The following ESR1 variants were observed in gnomAD, a reference collection of about 807,000 sequenced individuals.
The protein encoded by ESR1 is estrogen receptor 1.
Under a neutral mutation model 52.7 loss-of-function variants are expected in ESR1, and 12 were observed. That is an observed-to-expected ratio of 0.23 (90% CI 0.15 to 0.37). The LOEUF (loss-of-function observed/expected upper bound fraction) is 0.37, where lower values mean the gene tolerates loss of function less well. ESR1 is among the 10% of genes least tolerant of loss of function. ESR1 has a pLI of 1.00. For synonymous variants in ESR1, 305 were observed against 316.8 expected (o/e 0.96, Z 0.39); for missense variants, 584 against 779.7 (o/e 0.75, Z 2.99).
chr6:151,660,872 C>T (rs796278147), intron 1 of ESR1, among the ~76,000 whole-genome samples: 5 of 152,286 alleles, frequency 3.3e-5, no homozygotes, highest in South Asian at 4.1e-4. Flanking sequence ...TTCGCACTCA[C>T]GAGATACTCT....
intron 1 of ESR1, among the ~76,000 whole-genome samples, chr6:151,657,891 C>CA (rs11286608): frequency 2.0e-5 from 3 of 149,476 alleles, no homozygotes; most frequent in African/African-American, 4.9e-5. Context: ...GAGGTTCTGG[C>CA]AAAAAAAAAG....
chr6:152,119,484 TTCACTTTTCTAATATTTCCCA>T (rs2051251438), intron 6 of ESR1, among the ~76,000 whole-genome samples: 1 of 152,224 alleles, frequency 6.6e-6, no homozygotes, highest in Non-Finnish European at 1.5e-5. Context: ...GGATTCTTTG[TTCACTTTTCTAATATTTCCCA>T]TTTGCTTGTG....
At chr6:152,066,978 C>T (rs578190014) in intron 6 of ESR1, among the ~76,000 whole-genome samples, 3 of 152,226 alleles carry the variant, frequency 2.0e-5, no homozygotes, top group Non-Finnish European at 2.9e-5. Context: ...ACAGTAGATG[C>T]ACATGAGTGT....
intron 5 of ESR1, among the ~76,000 whole-genome samples, chr6:152,058,262 C>G (rs1322748479): frequency 2.6e-5 from 4 of 152,106 alleles, no homozygotes; most frequent in Non-Finnish European, 5.9e-5. Flanking sequence ...CTAGTATGTT[C>G]TCCCCACTCA....
In ESR1 at chr6:151,900,671, T is replaced by A. The variant is rs150531299; in HGVS notation, c.760+19900T>A. Among the ~76,000 whole-genome samples, 625 of 152,338 alleles carry A rather than the reference T, an allele frequency of 4.1e-3. 1 individual carries two copies. The highest frequency in any genetic ancestry group is 0.014 in the African/African-American group (584 of 41,574). ...AGTACTCTCCCCCTTTTCTTAGAGATGTGGCTTCCTGGGAACCGACCTGTA... is the reference window on the plus strand; with the variant it reads ...AGTACTCTCCCCCTTTTCTTAGAGAAGTGGCTTCCTGGGAACCGACCTGTA... On this transcript the variant is annotated intron_variant, in intron 3 of 7. Transcript: ENST00000206249.
intron 2 of ESR1, among the ~76,000 whole-genome samples, chr6:151,854,559 GA>G (rs1489834552): frequency 6.6e-6 from 1 of 152,130 alleles, no homozygotes; most frequent in Admixed American, 6.6e-5. Flanking sequence ...TTTTCCTGGG[GA>G]AAGAGTATGT....
chr6:151,758,848 A>G (rs2128092246), intron 2 of ESR1, among the ~76,000 whole-genome samples: 1 of 152,034 alleles, frequency 6.6e-6, no homozygotes, highest in South Asian at 2.1e-4. Context: ...ATTTGCTGGC[A>G]GAGTTAAGCA....
At chr6:151,826,080 G>A (rs1002372466) in intron 1 of ESR1, among the ~76,000 whole-genome samples, 5 of 152,118 alleles carry the variant, frequency 3.3e-5, no homozygotes, top group Admixed American at 6.6e-5. Flanking sequence ...TGCGGGGAGG[G>A]GGGTGGCGGG....
intron 3 of ESR1, among the ~76,000 whole-genome samples, chr6:151,924,321 A>G (rs1247211219): frequency 1.3e-5 from 2 of 152,166 alleles, no homozygotes; most frequent in African/African-American, 2.4e-5. Flanking sequence ...GATTACAGAC[A>G]TAAGCCACGG....
intron 5 of ESR1, among the ~76,000 whole-genome samples, chr6:152,033,594 A>T (rs1363399994): frequency 6.6e-6 from 1 of 152,234 alleles, no homozygotes; most frequent in African/African-American, 2.4e-5. Flanking sequence ...CCACAATGAG[A>T]TACCATCTCA....
intron 2 of ESR1, among the ~76,000 whole-genome samples, chr6:151,781,355 G>A (rs964213058): frequency 4.6e-5 from 7 of 152,218 alleles, no homozygotes; most frequent in African/African-American, 1.7e-4. Context: ...GGTAAAATGT[G>A]GCTGAATTTG....
At chr6:151,994,268 A>G (rs1450641024) in intron 4 of ESR1, among the ~76,000 whole-genome samples, 5 of 152,178 alleles carry the variant, frequency 3.3e-5, no homozygotes, top group African/African-American at 4.8e-5. Context: ...GGACTGCACT[A>G]TACAACTCTG....
chr6:151,851,785 C>T (rs888680333), intron 2 of ESR1, among the ~76,000 whole-genome samples: 1 of 152,164 alleles, frequency 6.6e-6, no homozygotes, highest in Non-Finnish European at 1.5e-5. Flanking sequence ...GCCTTGGCCT[C>T]CCAAAGTGCT....
chr6:152,099,580 AGGCAGATCCCCTAGTT>A lies in ESR1; in HGVS notation c.*619_*634del, dbSNP rs1414606385. 4.2e-6 allele frequency: 1 copy of A among 240,554 alleles called. No homozygotes were observed. The highest frequency in any genetic ancestry group is 5.3e-5 in the Admixed American group (1 of 18,754). The allele number at this position is 240,554 out of a possible 1,614,324, so 14.9% of individuals were successfully genotyped here. ...TAGGAATACAAGGGGCACACAGGGAAGGCAGATCCCCTAGTTGGCAAGACTATTTTAACTTGATACA... is the reference window on the plus strand; with the variant it reads ...TAGGAATACAAGGGGCACACAGGGAAGGCAAGACTATTTTAACTTGATACA... On this transcript the variant is annotated 3_prime_UTR_variant, in exon 8 of 8. Transcript: ENST00000206249.
chr6:151,833,977 G>A (rs1286086042), intron 1 of ESR1, among the ~76,000 whole-genome samples: 4 of 152,248 alleles, frequency 2.6e-5, no homozygotes, highest in African/African-American at 7.2e-5. Flanking sequence ...TTAGAGAAAT[G>A]CAAATCAAAA....
chr6:152,095,354 G>A (rs1370269120), intron 7 of ESR1, among the ~76,000 whole-genome samples: 3 of 152,184 alleles, frequency 2.0e-5, no homozygotes, highest in Non-Finnish European at 4.4e-5. Context: ...GAGTCATCGG[G>A]GGGAGGTTCT....
At chr6:151,816,437 G>C (rs1271984757) in intron 1 of ESR1, among the ~76,000 whole-genome samples, 2 of 152,166 alleles carry the variant, frequency 1.3e-5, no homozygotes, top group East Asian at 3.9e-4. Context: ...TGGATGATGT[G>C]AGGATTAAAC....
At chr6:151,958,821 T>A (rs1288885232) in intron 4 of ESR1, among the ~76,000 whole-genome samples, 2 of 152,194 alleles carry the variant, frequency 1.3e-5, no homozygotes, top group Non-Finnish European at 2.9e-5. Flanking sequence ...CACTCCCCTG[T>A]ACCTCAGAAC....
At chr6:151,919,890 G>T (rs2031241748) in intron 3 of ESR1, among the ~76,000 whole-genome samples, 1 of 152,066 alleles carries the variant, frequency 6.6e-6, no homozygotes, top group Admixed American at 6.6e-5. Flanking sequence ...ACACACACAG[G>T]TATATGTATA....
Sources: allele counts gnomAD v4.1 joint callset (sites outside exome capture counted in the v4.1 genomes callset), GRCh38; gene constraint gnomAD v4.1.1; transcripts MANE v1.5; gene names NCBI Gene and HGNC (gene_info 2026-07-23, HGNC 2026-07-21).